ZNF418: variants seen among roughly 807,000 people sequenced by gnomAD.
The protein encoded by ZNF418 is zinc finger protein 418.
Under a neutral mutation model 32.0 loss-of-function variants are expected in ZNF418, and 32 were observed. The ratio of observed to expected loss-of-function variants is 1.00; its 90% CI spans 0.75 to 1.34. ZNF418 has a LOEUF of 1.34. ZNF418 is among the 40% of genes most tolerant of loss of function. ZNF418 has a pLI of 0.00. For missense variants in ZNF418, 804 were observed against 812.5 expected (o/e 0.99, Z 0.13); for synonymous variants, 276 against 270.7 (o/e 1.02, Z -0.19).
In ZNF418 at chr19:57,925,809, T is replaced by C. The variant is rs376071846; in HGVS notation, c.*341A>G. On this transcript the variant is annotated 3_prime_UTR_variant, in exon 4 of 6. Transcript: ENST00000396147. ...GCCACACAGCTCCAACATAATTGAG[T>C]TTATGCAGATGCTGAAGGTATGTCA... 2.8e-4 allele frequency: 66 copies of C among 236,170 alleles called. 1 individual carries two copies. Among genetic ancestry groups the C allele is most frequent in the East Asian group, 1.4e-3 (16 of 11,334 alleles). The allele number at this position is 236,170 out of a possible 1,614,324, so 14.6% of individuals were successfully genotyped here.
chr19:57,926,485 A>C lies in ZNF418; in HGVS notation c.1696T>G (p.Tyr566Asp). The part of the protein sequence containing the change: ...HQKTHTAERP[Y>D]ECRECGKFFS... Reference sequence around the variant, plus strand: ...AATTTCCCACATTCTCTGCACTCATAAGGTCTTTCTGCAGTGTGAGTTTTC... The same window carrying C: ...AATTTCCCACATTCTCTGCACTCATCAGGTCTTTCTGCAGTGTGAGTTTTC... Residue 566 changes from tyrosine (Y) to aspartate (D), a missense_variant, in exon 4 of 6, where the codon TAT becomes GAT. By Grantham distance (160) the Tyr-to-Asp change is radical. Transcript: ENST00000396147. The C allele has an allele frequency of 6.2e-7, 1 of 1,612,726 alleles. No individual in the cohort carries two copies. Among genetic ancestry groups the C allele is most frequent in the Non-Finnish European group, 8.5e-7 (1 of 1,179,776 alleles).
rs1255090009 is a variant in ZNF418 at position 57,927,772 on chromosome 19, A to G, written c.409T>C (p.Tyr137His). The G allele has an allele frequency of 1.2e-6, 2 of 1,614,210 alleles. No homozygotes were observed. Among genetic ancestry groups the G allele is most frequent in the African/African-American group, 1.3e-5 (1 of 75,044 alleles). ...HQNQYLGEKPYRSSVEEALFV... is the reference protein window; with the variant it reads ...HQNQYLGEKPHRSSVEEALFV... Reference sequence around the variant, plus strand: ...AATGCTTCCTCAACACTGCTTCTATAGGGTTTCTCTCCAAGGTACTGATTC... The same window carrying G: ...AATGCTTCCTCAACACTGCTTCTATGGGGTTTCTCTCCAAGGTACTGATTC... The change falls in exon 4 of 6, where the codon TAT becomes CAT. Residue 137 changes from tyrosine to histidine, a missense_variant. Tyr to His is a moderately conservative substitution (Grantham distance 83). Transcript: ENST00000396147.
At chr19:57,924,789 G>A (rs547942092) in intron 4 of ZNF418, among the ~76,000 whole-genome samples, 7 of 152,080 alleles carry the variant, frequency 4.6e-5, no homozygotes, top group African/African-American at 1.7e-4. Context: ...AAGCATCAGA[G>A]GATGTCACAA....
chr19:57,923,098 C>T (rs937112579), intron 5 of ZNF418, 94 bp downstream of exon 5: 1 of 151,406 alleles, frequency 6.6e-6, no homozygotes, highest in African/African-American at 2.4e-5. Flanking sequence ...GTCAGGACTT[C>T]AAGACCAGCC....
Position 57,922,310 on chromosome 19 carries a change from G to A in ZNF418, c.*945C>T, listed in dbSNP as rs2072026096. On this transcript the variant is annotated 3_prime_UTR_variant, in exon 6 of 6. Transcript: ENST00000396147. ...AACCTCTTTGTTAGTTTCATCAATC[G>A]AGAAGAGAGGGGAGGGTATGCAAAA... 9.0e-6 allele frequency: 3 copies of A among 334,134 alleles called. No homozygotes were observed. The highest frequency in any genetic ancestry group is 4.4e-5 in the East Asian group (1 of 22,478). The allele number at this position is 334,134 out of a possible 1,614,324, so 20.7% of individuals were successfully genotyped here.
intron 4 of ZNF418, among the ~76,000 whole-genome samples, chr19:57,924,661 T>A (rs2072142189): frequency 6.6e-6 from 1 of 152,144 alleles, no homozygotes; most frequent in East Asian, 1.9e-4. Context: ...ACTACGAAAC[T>A]CTGGATATCA....
In ZNF418 at chr19:57,926,538, T is replaced by A. The variant is rs765424505; in HGVS notation, c.1643A>T (p.His548Leu). 10 of 1,613,854 alleles carry A rather than the reference T, an allele frequency of 6.2e-6. No homozygotes were observed. In the South Asian group the frequency reaches 1.1e-4, roughly 18 times the overall value. Residue 548 changes from histidine (H) to leucine (L), a missense_variant, in exon 4 of 6, where the codon CAT becomes CTT. His to Leu is a moderately conservative substitution (Grantham distance 99, BLOSUM62 -3). Around this residue, in one of 3 missense-constraint regions of ZNF418, gnomAD observed 475 missense variants for 458.6 expected, o/e 1.04. Coordinates refer to ENST00000396147, the MANE Select transcript of ZNF418 (RefSeq NM_133460.3). ...ATGTCGAAGGAGGGAAGAGCTCTGA[T>A]GAAATGACTTTCCACATTCTCCACA... ...YECGECGKSF[H>L]QSSSLLRHQK...
At chr19:57,929,122 C>T (rs1158603912) in intron 3 of ZNF418, among the ~76,000 whole-genome samples, 1 of 152,126 alleles carries the variant, frequency 6.6e-6, no homozygotes, top group Non-Finnish European at 1.5e-5. Context: ...ATGTGGAGTC[C>T]AGAGACTGGA....
chr19:57,930,570 C>T lies in ZNF418; in HGVS notation c.7-16G>A, dbSNP rs374293276. On this transcript the variant is annotated splice_polypyrimidine_tract_variant and intron_variant, in intron 2 of 5. Transcript: ENST00000396147. ...CCACAGTGCCCTGCTATGATGGTGA[C>T]AGATGAAACCACAAACAGCTCCTAT... 1.2e-6 allele frequency: 2 copies of T among 1,613,784 alleles called. No homozygotes were observed. The highest frequency in any genetic ancestry group is 8.5e-7 in the Non-Finnish European group (1 of 1,179,850).
chr19:57,922,685 CT>C (rs2072036615), intron 5 of ZNF418, 56 bp from the exon 6 acceptor site: 1 of 398,140 alleles, frequency 2.5e-6, no homozygotes, highest in Admixed American at 4.4e-5. Context: ...TGGGACACCA[CT>C]TTGTTAAATT....
At chr19:57,922,817 T>G (rs768239394) in intron 5 of ZNF418, among the ~76,000 whole-genome samples, 188 bp from the exon 6 acceptor site, 14 of 150,920 alleles carry the variant, frequency 9.3e-5, no homozygotes, top group Admixed American at 3.3e-4. Context: ...CTGGGCAACA[T>G]AGTGAGACCT....
chr19:57,926,835 G>C lies in ZNF418; in HGVS notation c.1346C>G (p.Thr449Ser). 1 of 1,614,174 alleles carries C rather than the reference G, an allele frequency of 6.2e-7. No individual in the cohort carries two copies. The highest frequency in any genetic ancestry group is 1.3e-5 in the African/African-American group (1 of 75,038). Reference sequence around the variant, plus strand: ...TCTACACTCATAAGGCCTTTCTCCAGTGTGGCTTCGCTGATGCTGAATGAG... The same window carrying C: ...TCTACACTCATAAGGCCTTTCTCCACTGTGGCTTCGCTGATGCTGAATGAG... ...GNLIQHQRSH[T>S]GERPYECREC... The change falls in exon 4 of 6, where the codon ACT becomes AGT. Residue 449 changes from threonine to serine, a missense_variant. Thr to Ser is a moderately conservative substitution (Grantham distance 58). Coordinates refer to ENST00000396147, the MANE Select transcript of ZNF418 (RefSeq NM_133460.3).
rs796798738 is a variant in ZNF418, at chr19:57,923,565, CAT to C, written c.*528-278_*528-277del. Among the ~76,000 whole-genome samples, 62 of 123,308 alleles carry C rather than the reference CAT, an allele frequency of 5.0e-4. No individual in the cohort carries two copies. The East Asian group carries it at 5.5e-3, about 11-fold the overall frequency. 80.9% of individuals were successfully genotyped at this position (123,308 alleles called of 152,430 possible). A position where few individuals can be genotyped will look rare whatever the true frequency, so the allele number is the denominator to read the frequency against. ...ACACACACACACACACACACACACA[CAT>C]ATATACACATATATATATATTTTTT... On this transcript the variant is annotated intron_variant, in intron 4 of 5. Coordinates refer to ENST00000396147, the MANE Select transcript of ZNF418 (RefSeq NM_133460.3).
In ZNF418 at chr19:57,925,437, G is replaced by T. The variant is rs1023819993; in HGVS notation, c.*527+186C>A. ...GATCACGCCACTGTACTCCAGCCTG[G>T]GCGACAGAGCGAGACTCTGTCTCAA... On this transcript the variant is annotated intron_variant, in intron 4 of 5. Transcript: ENST00000396147. 1.2e-4 allele frequency among the ~76,000 whole-genome samples: 18 copies of T among 151,492 alleles called. No homozygotes were observed. In the Middle Eastern group the frequency reaches 0.014, roughly 116 times the overall value.
chr19:57,935,203 G>A lies in ZNF418; in HGVS notation c.-123C>T. 7.7e-7 allele frequency: 1 copy of A among 1,292,838 alleles called. No homozygotes were observed. The highest frequency in any genetic ancestry group is 1.0e-6 in the Non-Finnish European group (1 of 1,001,350). The allele number at this position is 1,292,838 out of a possible 1,614,324, so 80.1% of individuals were successfully genotyped here. The stretch of plus-strand genomic sequence containing the variant: ...GCGCGGCCGCCGCCATCCCGAGTAC[G>A]CGGGGAAAGCACTGCCGGGAGCGGC... On this transcript the variant is annotated 5_prime_UTR_variant, in exon 1 of 6. Transcript: ENST00000396147.
intron 3 of ZNF418, 131 bp from the exon 4 acceptor site, chr19:57,928,178 G>A (rs539803798): frequency 1.0e-4 from 77 of 767,168 alleles, no homozygotes; most frequent in South Asian, 7.5e-4. Context: ...TTGGCTTCAC[G>A]TGGAAGATGA....
At chr19:57,934,138 A>T in intron 1 of ZNF418, 1 of 1,324,856 alleles carries the variant, frequency 7.5e-7, no homozygotes, top group Non-Finnish European at 9.7e-7. Context: ...AAAAAATGGC[A>T]AGTAAGAGTC....
At chr19:57,925,256 C>T (rs543788041) in intron 4 of ZNF418, among the ~76,000 whole-genome samples, 14 of 152,100 alleles carry the variant, frequency 9.2e-5, no homozygotes, top group East Asian at 3.9e-4. Context: ...GTCAGGAGAT[C>T]GAGACCATCC....
chr19:57,930,683 C>T, intron 2 of ZNF418, 129 bp from the exon 3 acceptor site: 1 of 1,362,498 alleles, frequency 7.3e-7, no homozygotes, highest in Non-Finnish European at 1.0e-6. Flanking sequence ...AGAAACTAGT[C>T]CACTGGTGCC....
Sources: allele counts gnomAD v4.1 joint callset (sites outside exome capture counted in the v4.1 genomes callset), GRCh38; gene constraint gnomAD v4.1.1; regional missense constraint gnomAD v4.1.1; transcripts MANE v1.5; gene names NCBI Gene and HGNC (gene_info 2026-07-23, HGNC 2026-07-21).